The following CREB3L2 variants were observed in gnomAD, a reference collection of about 807,000 sequenced individuals.
The protein encoded by CREB3L2 is cyclic AMP-responsive element-binding protein 3-like protein 2.
In CREB3L2, 23 loss-of-function variants were observed where a neutral mutation model predicts 57.2. The observed-to-expected ratio is 0.40, with a 90% CI of 0.29 to 0.57. The LOEUF is 0.57. Among genes scored for constraint, CREB3L2 ranks in the 20% least tolerant of loss-of-function variants. The pLI is 0.42. For missense variants in CREB3L2, 628 were observed against 634.7 expected, an observed-to-expected ratio of 0.99 and a Z score of 0.11; for synonymous variants, 268 against 265.1, an observed-to-expected ratio of 1.01 and a Z score of -0.11.
intron 1 of CREB3L2, among the ~76,000 whole-genome samples, chr7:137,951,400 A>G (rs1340366691): frequency 6.6e-6 from 1 of 152,230 alleles, no homozygotes; most frequent in African/African-American, 2.4e-5. Context: ...AAACAGAAGC[A>G]CACATAAAAC....
chr7:137,962,140 G>A (rs1457333446), intron 1 of CREB3L2, among the ~76,000 whole-genome samples: 1 of 152,156 alleles, frequency 6.6e-6, no homozygotes, highest in East Asian at 1.9e-4. Flanking sequence ...ATGGACCCTG[G>A]TGGTTTTTAA....
At chr7:137,883,795 A>T (rs1424933365) in intron 10 of CREB3L2, among the ~76,000 whole-genome samples, 1 of 152,192 alleles carries the variant, frequency 6.6e-6, no homozygotes, top group South Asian at 2.1e-4. Flanking sequence ...AGGTAACTGA[A>T]AGCTTAGAAT....
intron 1 of CREB3L2, among the ~76,000 whole-genome samples, chr7:137,979,934 C>T (rs948784106): frequency 6.6e-6 from 1 of 152,194 alleles, no homozygotes; most frequent in Non-Finnish European, 1.5e-5. Context: ...GTTTCTTGGG[C>T]TCCATCTAGC....
chr7:137,948,719 G>A (rs967560982), intron 1 of CREB3L2, among the ~76,000 whole-genome samples: 16 of 152,118 alleles, frequency 1.1e-4, no homozygotes, highest in Non-Finnish European at 1.5e-5. Flanking sequence ...GTATTAGCAC[G>A]TAACTGAAGA....
At chr7:137,889,530 GT>G (rs1183133372) in intron 8 of CREB3L2, among the ~76,000 whole-genome samples, 1 of 152,188 alleles carries the variant, frequency 6.6e-6, no homozygotes. Context: ...GCAAACATGT[GT>G]TTTAAAATAC....
At chr7:137,899,600 CAGA>C (rs1799711289) in intron 8 of CREB3L2, among the ~76,000 whole-genome samples, 1 of 152,228 alleles carries the variant, frequency 6.6e-6, no homozygotes, top group Admixed American at 6.5e-5. Flanking sequence ...GAAGCCCCAG[CAGA>C]CTAACGGCCA....
chr7:137,946,976 ATATATATATAGT>A (rs1282113319), intron 1 of CREB3L2, among the ~76,000 whole-genome samples: 4 of 38,122 alleles, frequency 1.0e-4, no homozygotes, highest in Non-Finnish European at 2.6e-4. Context: ...ATATATAGTT[ATATATATATAGT>A]TATATATATA....
intron 1 of CREB3L2, among the ~76,000 whole-genome samples, chr7:137,987,655 T>C (rs1380433711): frequency 6.6e-6 from 1 of 152,192 alleles, no homozygotes; most frequent in Non-Finnish European, 1.5e-5. Flanking sequence ...TTCTGCTCAA[T>C]TTTGCTGTGA....
Position 137,903,879 on chromosome 7 carries a change from G to T in CREB3L2, c.974+80C>A, listed in dbSNP as rs1799822352. ...GGTGGCCAGAAAGAGGAATTGAACT[G>T]CTTCTCCCCGATTCTCCGCACACCC... On this transcript the variant is annotated intron_variant, in intron 7 of 11. Transcript: ENST00000330387. 8 of 1,238,440 alleles carry T rather than the reference G, an allele frequency of 6.5e-6. No individual in the cohort carries two copies. In the East Asian group the frequency reaches 1.9e-4, roughly 29 times the overall value. 76.7% of individuals were successfully genotyped at this position (1,238,440 alleles called of 1,614,324 possible).
intron 8 of CREB3L2, among the ~76,000 whole-genome samples, chr7:137,886,245 T>C (rs185138554): frequency 8.0e-4 from 121 of 151,888 alleles, no homozygotes; most frequent in Middle Eastern, 3.4e-3. Flanking sequence ...ATGAGAAACA[T>C]TGACAAAAAC....
intron 10 of CREB3L2, 98 bp from the exon 11 acceptor site, chr7:137,882,726 T>C (rs2117173008): frequency 2.5e-6 from 2 of 810,550 alleles, no homozygotes; most frequent in Non-Finnish European, 1.9e-6. Context: ...CAGATGACAA[T>C]GTGTGTGTTC....
intron 2 of CREB3L2, among the ~76,000 whole-genome samples, chr7:137,920,502 G>A (rs1800249544): frequency 6.6e-6 from 1 of 152,186 alleles, no homozygotes; most frequent in African/African-American, 2.4e-5. Flanking sequence ...CAGACAGGTA[G>A]ATTACGATAA....
intron 1 of CREB3L2, among the ~76,000 whole-genome samples, chr7:137,955,747 G>A (rs1004202323): frequency 4.3e-4 from 66 of 152,138 alleles, no homozygotes; most frequent in African/African-American, 1.5e-3. Flanking sequence ...ACTGAAGCTC[G>A]GAAAGATTAA....
At chr7:137,912,705 T>C (rs1225425973) in intron 4 of CREB3L2, 4 of 736,370 alleles carry the variant, frequency 5.4e-6, no homozygotes, top group Non-Finnish European at 6.6e-6. Flanking sequence ...ATAGTGTTTG[T>C]AGTAGCAGTC....
At chr7:137,908,824 T>C (rs549797320) in intron 4 of CREB3L2, among the ~76,000 whole-genome samples, 1 of 152,106 alleles carries the variant, frequency 6.6e-6, no homozygotes, top group South Asian at 2.1e-4. Flanking sequence ...AAATACAAAA[T>C]TAGCCTGGCG....
intron 1 of CREB3L2, among the ~76,000 whole-genome samples, chr7:137,968,995 G>C (rs954227885): frequency 7.2e-5 from 11 of 152,176 alleles, no homozygotes; most frequent in African/African-American, 2.2e-4. Flanking sequence ...TCAGAGGAGA[G>C]AGAAGGAACG....
intron 1 of CREB3L2, among the ~76,000 whole-genome samples, chr7:137,955,022 G>A (rs937720392): frequency 8.5e-5 from 13 of 152,064 alleles, no homozygotes; most frequent in African/African-American, 2.9e-4. Context: ...AAAGTTCCCT[G>A]GACAGAGCCA....
At chr7:137,886,567 C>T (rs1158594746) in intron 8 of CREB3L2, among the ~76,000 whole-genome samples, 1 of 140,164 alleles carries the variant, frequency 7.1e-6, no homozygotes, top group Non-Finnish European at 1.5e-5. Flanking sequence ...TTCTTAAACG[C>T]TCACAGCACC....
intron 1 of CREB3L2, among the ~76,000 whole-genome samples, chr7:137,998,967 A>C (rs11772216): frequency 0.84 from 128,172 of 152,010 alleles, 55,317 homozygotes; most frequent in South Asian, 0.98. Context: ...CTCGTATTTG[A>C]ACCTCACCCT....
Sources: gnomAD v4.1 joint callset for allele counts (sites outside exome capture counted in the v4.1 genomes callset) on GRCh38, gnomAD v4.1.1 for gene constraint, MANE v1.5 for transcripts, NCBI Gene and HGNC (gene_info 2026-07-23, HGNC 2026-07-21) for gene names.